AFAP1L2: variants seen among roughly 807,000 people sequenced by gnomAD.
AFAP1L2 encodes actin filament associated protein 1 like 2, also known as actin filament-associated protein 1-like 2.
AFAP1L2 carries 46 observed loss-of-function variants against 99.3 expected under a neutral mutation model. The ratio of observed to expected loss-of-function variants is 0.46; its 90% CI spans 0.37 to 0.59. The LOEUF (loss-of-function observed/expected upper bound fraction) is 0.59, where lower values mean the gene tolerates loss of function less well. AFAP1L2 is among the 20% of genes least tolerant of loss of function. The pLI, the probability that AFAP1L2 is intolerant of heterozygous loss-of-function variation, is 0.00. For synonymous variants in AFAP1L2, 397 were observed against 419.1 expected, an observed-to-expected ratio of 0.95 and a Z score of 0.64; for missense variants, 959 against 1,034.9, an observed-to-expected ratio of 0.93 and a Z score of 1.01.
At chr10:114,302,914 T>C (rs938604577) in intron 11 of AFAP1L2, among the ~76,000 whole-genome samples, 1 of 152,196 alleles carries the variant, frequency 6.6e-6, no homozygotes, top group African/African-American at 2.4e-5. Context: ...CAATCCCATA[T>C]ACAACAAGAC....
intron 1 of AFAP1L2, among the ~76,000 whole-genome samples, chr10:114,393,209 A>AG (rs1310765531): frequency 1.3e-5 from 2 of 152,122 alleles, no homozygotes; most frequent in African/African-American, 2.4e-5. Context: ...AGGCAAAGGG[A>AG]GGTAACTAAG....
rs1464302247 is a variant in AFAP1L2, at chr10:114,300,146, CCTGA to C, written c.1957+44_1957+47del. The C allele has an allele frequency of 7.4e-6, 12 of 1,612,792 alleles. No individual in the cohort carries two copies. In the Admixed American group the frequency reaches 8.3e-5, roughly 11 times the overall value. On this transcript the variant is annotated intron_variant, in intron 15 of 18. Transcript: ENST00000304129. Reference sequence around the variant, plus strand: ...TATTAGTTCTGTCCCTCTAGAGAACCCTGACTAATACAGATGGAATCGGGCTAAC... The same window carrying C: ...TATTAGTTCTGTCCCTCTAGAGAACCCTAATACAGATGGAATCGGGCTAAC...
intron 1 of AFAP1L2, among the ~76,000 whole-genome samples, chr10:114,395,026 A>G (rs1429266255): frequency 6.6e-6 from 1 of 152,172 alleles, no homozygotes; most frequent in East Asian, 1.9e-4. Flanking sequence ...CCCCATCTCT[A>G]AAACATGCCA....
chr10:114,308,623 G>T, intron 8 of AFAP1L2, 106 bp from the exon 9 acceptor site: 2 of 997,258 alleles, frequency 2.0e-6, no homozygotes, highest in East Asian at 2.5e-5. Flanking sequence ...TATGCCAGAG[G>T]TCAGCTGAGC....
intron 10 of AFAP1L2, among the ~76,000 whole-genome samples, chr10:114,305,557 A>G (rs1297613971): frequency 4.1e-3 from 218 of 52,958 alleles, no homozygotes; most frequent in South Asian, 4.8e-3. Context: ...AGGAGGGGAC[A>G]CAGATGCAGG....
chr10:114,372,968 C>G (rs979433828), intron 1 of AFAP1L2, among the ~76,000 whole-genome samples: 1 of 152,260 alleles, frequency 6.6e-6, no homozygotes, highest in Non-Finnish European at 1.5e-5. Flanking sequence ...CTTTTACCAG[C>G]TACGTGGTAT....
chr10:114,378,899 G>A (rs779469061), intron 1 of AFAP1L2, among the ~76,000 whole-genome samples: 1 of 152,108 alleles, frequency 6.6e-6, no homozygotes, highest in Non-Finnish European at 1.5e-5. Flanking sequence ...AGGTCACTCT[G>A]ATCGGGACTA....
rs750257969 is a variant in AFAP1L2, at chr10:114,313,861, T to C, written c.792+10A>G. 2.8e-5 allele frequency: 44 copies of C among 1,588,162 alleles called. No individual in the cohort carries two copies. The highest frequency in any genetic ancestry group is 4.0e-5 in the African/African-American group (3 of 74,432). ...AGGAACCCCTCCAAGTGGCTCGGTG[T>C]CGCCCTCACCCTGAGCCACTGCTCA... On this transcript the variant is annotated intron_variant, in intron 7 of 18. Transcript: ENST00000304129.
chr10:114,326,964 T>C (rs2046376405), intron 4 of AFAP1L2, among the ~76,000 whole-genome samples: 1 of 150,382 alleles, frequency 6.6e-6, no homozygotes, highest in Non-Finnish European at 1.5e-5. Context: ...GAGGAGACCA[T>C]AGGGTGGAGT....
At chr10:114,339,014 C>G (rs115997534) in intron 2 of AFAP1L2, among the ~76,000 whole-genome samples, 1 of 152,170 alleles carries the variant, frequency 6.6e-6, no homozygotes, top group African/African-American at 2.4e-5. Context: ...CAGTTTCCCC[C>G]TCTATAACAA....
intron 13 of AFAP1L2, 62 bp downstream of exon 13, chr10:114,301,292 T>G: frequency 1.5e-6 from 2 of 1,322,332 alleles, no homozygotes; most frequent in Non-Finnish European, 2.2e-6. Flanking sequence ...GGCATCCAGG[T>G]GTTGAGGTTG....
chr10:114,328,532 A>G (rs972472578), intron 4 of AFAP1L2, among the ~76,000 whole-genome samples: 1 of 152,016 alleles, frequency 6.6e-6, no homozygotes, highest in African/African-American at 2.4e-5. Flanking sequence ...TGAGCTGGAC[A>G]GTGACTCAGG....
chr10:114,385,290 C>T (rs1217882147), intron 1 of AFAP1L2, among the ~76,000 whole-genome samples: 2 of 152,210 alleles, frequency 1.3e-5, no homozygotes, highest in Non-Finnish European at 2.9e-5. Flanking sequence ...TCTTCAGAGA[C>T]AGCCACAGAG....
At chr10:114,326,113 G>A (rs2046251171) in intron 4 of AFAP1L2, 3 of 1,192,318 alleles carry the variant, frequency 2.5e-6, no homozygotes, top group Admixed American at 5.1e-5. Flanking sequence ...ATCACCACAG[G>A]GTCTGTCCCT....
At chr10:114,325,044 T>C (rs2046038895) in intron 4 of AFAP1L2, among the ~76,000 whole-genome samples, 1 of 152,154 alleles carries the variant, frequency 6.6e-6, no homozygotes, top group Admixed American at 6.5e-5. Context: ...AGCCCAGTCC[T>C]GTGTGGTTTG....
Position 114,302,504 on chromosome 10 carries a change from G to A in AFAP1L2, c.1285-20C>T, listed in dbSNP as rs746597861. 13 of 1,613,342 alleles carry A rather than the reference G, an allele frequency of 8.1e-6. No homozygotes were observed. The Admixed American group carries it at 1.5e-4, about 19-fold the overall frequency. ...CTTGGCCTGGAACGAGGCCAAGAGA[G>A]ACATAAGCAGGGCCAGGCAGTGCTG... On this transcript the variant is annotated intron_variant, in intron 11 of 18. Coordinates refer to ENST00000304129, the MANE Select transcript of AFAP1L2 (RefSeq NM_001001936.3).
rs1367524476 is a variant in AFAP1L2, at chr10:114,323,206, T to C, written c.371A>G (p.Tyr124Cys). The C allele has an allele frequency of 2.5e-6, 4 of 1,603,000 alleles. No individual in the cohort carries two copies. The highest frequency in any genetic ancestry group is 3.4e-6 in the Non-Finnish European group (4 of 1,174,004). ...TGTGTCATATGGCTCAGCCTCTTCA[T>C]AGTAGCCCTCTGGAGACTCCGTCTT... ...IPKTESPEGYYEEAEPYDTSL... is the reference protein window; with the variant it reads ...IPKTESPEGYCEEAEPYDTSL... The change falls in exon 5 of 19, where the codon TAT becomes TGT. Residue 124 changes from tyrosine (Y) to cysteine (C), a missense_variant. Around this residue, in one of 2 missense-constraint regions of AFAP1L2, gnomAD observed 383 missense variants for 472.8 expected, o/e 0.81. Transcript: ENST00000304129.
At chr10:114,324,214 TGTAAGCACC>T (rs976992757) in intron 4 of AFAP1L2, among the ~76,000 whole-genome samples, 1 of 152,332 alleles carries the variant, frequency 6.6e-6, no homozygotes, top group African/African-American at 2.4e-5. Flanking sequence ...GTCGTGAATG[TGTAAGCACC>T]CTTGAACATG....
chr10:114,368,983 C>G (rs1348185905), intron 1 of AFAP1L2, among the ~76,000 whole-genome samples: 1 of 152,086 alleles, frequency 6.6e-6, no homozygotes, highest in East Asian at 1.9e-4. Flanking sequence ...CACCTGCCCT[C>G]AAGGAGTTGG....
Sources: gnomAD v4.1 joint callset for allele counts (sites outside exome capture counted in the v4.1 genomes callset) on GRCh38, gnomAD v4.1.1 for gene constraint, gnomAD v4.1.1 regional missense constraint, MANE v1.5 for transcripts, NCBI Gene and HGNC (gene_info 2026-07-23, HGNC 2026-07-21) for gene names.